Variants in CEP131 observed in about 807,000 individuals in gnomAD.
CEP131 encodes centrosomal protein of 131 kDa.
In CEP131, 99 loss-of-function variants were observed where a neutral mutation model predicts 136.8. That is an observed-to-expected ratio of 0.72 (90% CI 0.62 to 0.86). CEP131 has a LOEUF of 0.86. Ranked by LOEUF, CEP131 falls within the 40% of genes least tolerant of loss-of-function variation. The probability of loss-of-function intolerance (pLI) is 0.00; values close to 1 mark genes in which losing one functional copy is unlikely to be tolerated. For synonymous variants in CEP131, 646 were observed against 612.7 expected (o/e 1.05, Z -0.80); for missense variants, 1,459 against 1,463.0 (o/e 1.00, Z 0.04).
At chr17:81,220,771 G>A (rs1350444912) in intron 1 of CEP131, among the ~76,000 whole-genome samples, 1 of 151,882 alleles carries the variant, frequency 6.6e-6, no homozygotes, top group East Asian at 2.0e-4. Flanking sequence ...AAAGTGCTGG[G>A]ATTACAGGCA....
intron 5 of CEP131, among the ~76,000 whole-genome samples, chr17:81,205,835 G>A (rs947698309): frequency 5.3e-5 from 8 of 152,256 alleles, no homozygotes; most frequent in Admixed American, 5.2e-4. Context: ...GGAGGTAGAG[G>A]CTGCAGTGAG....
intron 16 of CEP131, 110 bp downstream of exon 16, chr17:81,195,725 C>T (rs1285204641): frequency 8.3e-6 from 8 of 965,858 alleles, no homozygotes; most frequent in South Asian, 3.0e-5. Context: ...CCTGACACAC[C>T]GAGACAGGAA....
intron 2 of CEP131, among the ~76,000 whole-genome samples, chr17:81,212,447 G>A (rs1007837209): frequency 1.3e-5 from 2 of 152,184 alleles, no homozygotes; most frequent in South Asian, 2.1e-4. Context: ...AGTGGGGCCC[G>A]TGCAGAGGGA....
intron 15 of CEP131, 89 bp downstream of exon 15, chr17:81,196,612 A>G: frequency 3.3e-6 from 5 of 1,498,574 alleles, no homozygotes; most frequent in Admixed American, 2.2e-5. Context: ...CAGAGGAAGA[A>G]GCTCCCTGGC....
Position 81,195,108 on chromosome 17 carries a change from G to C in CEP131, c.2017-136C>G, listed in dbSNP as rs897492051. 4.7e-6 allele frequency: 3 copies of C among 641,320 alleles called. No homozygotes were observed. The African/African-American group carries it at 6.7e-5, about 14-fold the overall frequency. 39.7% of individuals were successfully genotyped at this position (641,320 alleles called of 1,614,324 possible). A position where few individuals can be genotyped will look rare whatever the true frequency, so the allele number is the denominator to read the frequency against. ...CACTCATGGTTGGGTGTGCTGCCCC[G>C]AGACAGAGCCACTGCTGCCCTCCCC... On this transcript the variant is annotated intron_variant, in intron 16 of 25. Transcript: ENST00000450824.
intron 13 of CEP131, 198 bp downstream of exon 13, chr17:81,197,514 G>A (rs764125458): frequency 1.3e-6 from 1 of 786,414 alleles, no homozygotes; most frequent in Non-Finnish European, 1.9e-6. Context: ...AGAGACCCGT[G>A]GGGGGTGCTG....
chr17:81,196,175 G>A (rs113598012), intron 15 of CEP131, among the ~76,000 whole-genome samples: 221 of 152,324 alleles, frequency 1.5e-3, no homozygotes, highest in African/African-American at 5.0e-3. Context: ...GGGACCCGGC[G>A]AATGTCAGAG....
intron 16 of CEP131, 105 bp downstream of exon 16, chr17:81,195,730 C>T: frequency 2.0e-6 from 2 of 1,000,440 alleles, no homozygotes; most frequent in Non-Finnish European, 3.0e-6. Flanking sequence ...CACACCGAGA[C>T]AGGAATGAGG....
At chr17:81,206,924 C>T (rs2062020453) in intron 4 of CEP131, 53 bp from the exon 5 acceptor site, 2 of 1,576,350 alleles carry the variant, frequency 1.3e-6, no homozygotes, top group Non-Finnish European at 1.7e-6. Flanking sequence ...GACACCCCAT[C>T]CCTTCCCTGC....
intron 10 of CEP131, 71 bp downstream of exon 10, chr17:81,199,310 C>A: frequency 1.4e-6 from 2 of 1,470,800 alleles, no homozygotes; most frequent in Non-Finnish European, 1.8e-6. Flanking sequence ...AGAGGAGGTC[C>A]ACAAGGGCTG....
At chr17:81,193,614 G>A (rs1041369053) in intron 18 of CEP131, among the ~76,000 whole-genome samples, 1 of 152,220 alleles carries the variant, frequency 6.6e-6, no homozygotes, top group Admixed American at 6.5e-5. Flanking sequence ...ACGGGTTGCT[G>A]CTCTGGGGCC....
At chr17:81,212,194 G>A (rs763226719) in intron 2 of CEP131, among the ~76,000 whole-genome samples, 5 of 151,498 alleles carry the variant, frequency 3.3e-5, no homozygotes, top group African/African-American at 7.3e-5. Flanking sequence ...ATGGTGGCAC[G>A]CACCTGTAAT....
intron 18 of CEP131, among the ~76,000 whole-genome samples, chr17:81,193,637 G>C (rs2061690022): frequency 6.6e-6 from 1 of 152,210 alleles, no homozygotes; most frequent in Non-Finnish European, 1.5e-5. Flanking sequence ...TTGTGAAAGA[G>C]TGGATGTCTG....
intron 2 of CEP131, among the ~76,000 whole-genome samples, chr17:81,212,137 A>C (rs2062145119): frequency 6.6e-6 from 1 of 151,242 alleles, no homozygotes; most frequent in African/African-American, 2.4e-5. Flanking sequence ...CACCATGGTG[A>C]AACCTTGTCT....
At position 81,213,423 on chromosome 17, in the gene CEP131, G is replaced by A. The variant is rs112840008; in HGVS notation, c.178-4401C>T. Among the ~76,000 whole-genome samples the A allele has an allele frequency of 4.5e-4, 68 of 152,238 alleles. 3 individuals carry two copies. The highest frequency in any genetic ancestry group is 1.5e-3 in the African/African-American group (62 of 41,518). ...GAAATACAAAAATTAGTCAGGTGTG[G>A]TGGCACACGCCTGTAGTTCTAGCTA... On this transcript the variant is annotated intron_variant, in intron 2 of 25. Coordinates refer to ENST00000450824, the MANE Select transcript of CEP131 (RefSeq NM_014984.4).
intron 2 of CEP131, among the ~76,000 whole-genome samples, chr17:81,209,287 A>C (rs936733771): frequency 1.3e-5 from 2 of 152,016 alleles, no homozygotes; most frequent in African/African-American, 4.8e-5. Context: ...TGGCAGAGGG[A>C]GGGCGGGAAG....
intron 7 of CEP131, among the ~76,000 whole-genome samples, chr17:81,201,265 A>G (rs1248424669): frequency 6.6e-6 from 1 of 152,130 alleles, no homozygotes; most frequent in Non-Finnish European, 1.5e-5. Context: ...CACCGCGTCT[A>G]CAGGCCTGGT....
intron 15 of CEP131, 86 bp from the exon 16 acceptor site, chr17:81,196,037 GGGA>G: frequency 8.6e-7 from 1 of 1,164,198 alleles, no homozygotes; most frequent in Non-Finnish European, 1.2e-6. Context: ...CAGCCTCCGA[GGGA>G]GGCTAACAGC....
At chr17:81,196,307 C>G (rs1347516947) in intron 15 of CEP131, among the ~76,000 whole-genome samples, 4 of 152,212 alleles carry the variant, frequency 2.6e-5, no homozygotes, top group Non-Finnish European at 5.9e-5. Flanking sequence ...AGGACCACAC[C>G]AGCCTCACTG....
Sources: allele counts gnomAD v4.1 joint callset (sites outside exome capture counted in the v4.1 genomes callset), GRCh38; gene constraint gnomAD v4.1.1; transcripts MANE v1.5; gene names NCBI Gene and HGNC (gene_info 2026-07-23, HGNC 2026-07-21).